CNN3: variants seen among roughly 807,000 people sequenced by gnomAD.
CNN3 encodes calponin 3.
CNN3 carries 11 observed loss-of-function variants against 39.0 expected under a neutral mutation model. That is an observed-to-expected ratio of 0.28 (90% CI 0.18 to 0.47). The LOEUF (loss-of-function observed/expected upper bound fraction) is 0.47. Ranked by LOEUF, CNN3 falls within the 20% of genes least tolerant of loss-of-function variation. CNN3 has a pLI of 0.99. For synonymous variants in CNN3, 101 were observed against 138.3 expected (o/e 0.73, Z 1.89); for missense variants, 266 against 403.4 (o/e 0.66, Z 2.92).
intron 1 of CNN3, among the ~76,000 whole-genome samples, chr1:94,917,590 T>C (rs948276131): frequency 1.3e-5 from 2 of 152,164 alleles, no homozygotes; most frequent in African/African-American, 4.8e-5. Context: ...TTTGGCAATA[T>C]CAAAATACAT....
At chr1:94,911,235 T>C (rs1671154882) in intron 1 of CNN3, among the ~76,000 whole-genome samples, 1 of 152,160 alleles carries the variant, frequency 6.6e-6, no homozygotes, top group Admixed American at 6.5e-5. Flanking sequence ...GTGCTAAAGA[T>C]TTGATGCGGA....
rs780781651 is a variant in CNN3, at chr1:94,897,906, G to C, written c.826C>G (p.Pro276Ala). The change falls in exon 7 of 7, where the codon CCT (proline) becomes GCT (alanine). Residue 276 changes from proline to alanine, a missense_variant. By Grantham distance (27) the Pro-to-Ala change is conservative (BLOSUM62 -1). Coordinates refer to ENST00000370206, the MANE Select transcript of CNN3 (RefSeq NM_001839.5). ...QVYDPKYCAA[P>A]TEPVIHNGSQ... is the part of the protein sequence containing the mutation. Reference sequence around the variant, plus strand: ...CCGTTGTGAATGACAGGTTCTGTAGGAGCAGCACAGTATTTGGGATCATAT... The same window carrying C: ...CCGTTGTGAATGACAGGTTCTGTAGCAGCAGCACAGTATTTGGGATCATAT... 3 of 1,613,880 alleles carry C rather than the reference G, an allele frequency of 1.9e-6. No homozygotes were observed. Among genetic ancestry groups the C allele is most frequent in the Non-Finnish European group, 2.5e-6 (3 of 1,179,984 alleles).
At chr1:94,906,099 C>T (rs894915470) in intron 1 of CNN3, among the ~76,000 whole-genome samples, 2 of 152,192 alleles carry the variant, frequency 1.3e-5, no homozygotes, top group Non-Finnish European at 2.9e-5. Context: ...TCTCCTGCCT[C>T]GGCCTCCCGA....
At chr1:94,920,702 T>A (rs1671420532) in intron 1 of CNN3, among the ~76,000 whole-genome samples, 1 of 152,218 alleles carries the variant, frequency 6.6e-6, no homozygotes, top group Non-Finnish European at 1.5e-5. Context: ...ACAGTCCATG[T>A]TCTTAACCAC....
At chr1:94,907,858 TC>T (rs1252701650) in intron 1 of CNN3, among the ~76,000 whole-genome samples, 1 of 152,240 alleles carries the variant, frequency 6.6e-6, no homozygotes, top group Non-Finnish European at 1.5e-5. Flanking sequence ...AGACTCCGTC[TC>T]AAAAATAAGA....
intron 1 of CNN3, among the ~76,000 whole-genome samples, chr1:94,921,573 C>A (rs1671445390): frequency 6.6e-6 from 1 of 152,040 alleles, no homozygotes; most frequent in South Asian, 2.1e-4. Flanking sequence ...GAAACACTAA[C>A]CCTCATGTCC....
Position 94,897,604 on chromosome 1 carries a change from G to A in CNN3, c.*138C>T. ...AGAGGCAGAAAAAGGAAAAAGGAAT[G>A]TACGTAAGGCAATTTTTCTTAAAAG... On this transcript the variant is annotated 3_prime_UTR_variant, in exon 7 of 7. Transcript: ENST00000370206. 1 of 731,342 alleles carries A rather than the reference G, an allele frequency of 1.4e-6. No homozygotes were observed. Among genetic ancestry groups the A allele is most frequent in the East Asian group, 2.7e-5 (1 of 37,096 alleles). The allele number at this position is 731,342 out of a possible 1,614,324, so 45.3% of individuals were successfully genotyped here.
intron 1 of CNN3, among the ~76,000 whole-genome samples, chr1:94,905,520 T>C (rs1342755363): frequency 2.0e-5 from 3 of 152,230 alleles, no homozygotes; most frequent in Non-Finnish European, 4.4e-5. Context: ...ACTAAATTAC[T>C]GTGGCATTAG....
chr1:94,921,780 A>T (rs909613804), intron 1 of CNN3, among the ~76,000 whole-genome samples: 2 of 152,220 alleles, frequency 1.3e-5, no homozygotes, highest in Non-Finnish European at 2.9e-5. Flanking sequence ...TCCAGAGTAA[A>T]TAAGGATGAG....
chr1:94,916,583 A>T (rs1018297595), intron 1 of CNN3, among the ~76,000 whole-genome samples: 3 of 152,138 alleles, frequency 2.0e-5, no homozygotes. Flanking sequence ...AAAGGACTTT[A>T]TCCTGGGATT....
intron 1 of CNN3, chr1:94,925,882 A>T (rs541390726): frequency 9.7e-6 from 9 of 931,202 alleles, no homozygotes; most frequent in Non-Finnish European, 1.2e-5. Flanking sequence ...CTCTCCCCCC[A>T]GAAACCCCTG....
intron 1 of CNN3, among the ~76,000 whole-genome samples, chr1:94,911,832 G>A (rs752021360): frequency 3.9e-5 from 6 of 152,192 alleles, no homozygotes; most frequent in African/African-American, 1.4e-4. Context: ...CACTTTGGGA[G>A]GCCGAGGCAG....
intron 1 of CNN3, among the ~76,000 whole-genome samples, chr1:94,925,117 T>C (rs947615117): frequency 2.0e-5 from 3 of 152,116 alleles, no homozygotes; most frequent in Non-Finnish European, 4.4e-5. Context: ...AAAAAAGAAA[T>C]TAGCATGGAT....
At chr1:94,925,961 T>C (rs933552615) in intron 1 of CNN3, among the ~76,000 whole-genome samples, 4 of 151,960 alleles carry the variant, frequency 2.6e-5, no homozygotes, top group African/African-American at 9.7e-5. Context: ...ACGCCTCTCA[T>C]CTCTTTCCCA....
intron 2 of CNN3, 95 bp from the exon 3 acceptor site, chr1:94,903,283 G>T: frequency 6.4e-7 from 1 of 1,554,084 alleles, no homozygotes; most frequent in Non-Finnish European, 8.7e-7. Flanking sequence ...GTAAGGGAAA[G>T]CATTAAAGAT....
At chr1:94,899,238 T>C (rs1277019476) in intron 6 of CNN3, 133 bp downstream of exon 6, 1 of 979,452 alleles carries the variant, frequency 1.0e-6, no homozygotes, top group African/African-American at 1.7e-5. Flanking sequence ...ATTATTTTGC[T>C]TTCCCAGCAA....
At chr1:94,903,822 T>C (rs1408367888) in intron 1 of CNN3, among the ~76,000 whole-genome samples, 4 of 152,192 alleles carry the variant, frequency 2.6e-5, no homozygotes, top group Non-Finnish European at 5.9e-5. Context: ...GTGACAAGGA[T>C]TTAATGGTAT....
In CNN3 at chr1:94,926,801, C is replaced by T; in HGVS notation, c.57+37G>A. 2 of 1,597,414 alleles carry T rather than the reference C, an allele frequency of 1.3e-6. No individual in the cohort carries two copies. The highest frequency in any genetic ancestry group is 1.3e-5 in the African/African-American group (1 of 74,460). ...CCAGCGCCAGGCCAGCCCAAGGGTG[C>T]CCCGGGGGCCCCCGCGCCCGCCCGA... On this transcript the variant is annotated intron_variant, in intron 1 of 6. Transcript: ENST00000370206. The surrounding 1 kb of genome is among the most constrained non-coding windows in gnomAD (Gnocchi z 4.2).
intron 1 of CNN3, among the ~76,000 whole-genome samples, chr1:94,914,644 G>C (rs1571529796): frequency 6.6e-6 from 1 of 152,188 alleles, no homozygotes; most frequent in African/African-American, 2.4e-5. Context: ...TTGGAGTCTA[G>C]ATCCAGGTCT....
Sources: allele counts gnomAD v4.1 joint callset (sites outside exome capture counted in the v4.1 genomes callset), GRCh38; gene constraint gnomAD v4.1.1; non-coding constraint Gnocchi (gnomAD v3.1); transcripts MANE v1.5; gene names NCBI Gene and HGNC (gene_info 2026-07-23, HGNC 2026-07-21).